Variants in URAD observed in about 807,000 individuals in gnomAD.
URAD encodes putative 2-oxo-4-hydroxy-4-carboxy-5-ureidoimidazoline decarboxylase.
In URAD, 4 loss-of-function variants were observed where a neutral mutation model predicts 4.6. The ratio of observed to expected loss-of-function variants is 0.87; its 90% CI spans 0.43 to 1.98. The LOEUF is 1.98. URAD is among the 30% of genes most tolerant of loss of function. URAD has a pLI of 0.03. For synonymous variants in URAD, 144 were observed against 118.2 expected (o/e 1.22, Z -1.41); for missense variants, 300 against 255.3 (o/e 1.18, Z -1.19).
In URAD at chr13:27,978,354, C is replaced by T; in HGVS notation, c.274G>A (p.Gly92Ser). The change falls in exon 2 of 2, where the codon GGC becomes AGC. Residue 92 changes from glycine to serine, a missense_variant. Transcript: ENST00000332715. ...TCGTCCGCGCCCAGGCTCCTCAGGC[C>T]TGCGCCGCTCTGTTCCCGCTGCGAC... Reference protein sequence around the residue: ...AESQREQSGAGLRSLGADERL... With the variant: ...AESQREQSGASLRSLGADERL... 1 of 1,403,434 alleles carries T rather than the reference C, an allele frequency of 7.1e-7. No homozygotes were observed. Among genetic ancestry groups the T allele is most frequent in the South Asian group, 1.6e-5 (1 of 64,284 alleles). The allele number at this position is 1,403,434 out of a possible 1,614,324, so 86.9% of individuals were successfully genotyped here. A position where few individuals can be genotyped will look rare whatever the true frequency, so the allele number is the denominator to read the frequency against.
At chr13:27,984,749 T>C (rs571365436) in intron 1 of URAD, among the ~76,000 whole-genome samples, 16 of 152,118 alleles carry the variant, frequency 1.1e-4, no homozygotes, top group Admixed American at 2.0e-4. Context: ...GAGGCCGAGG[T>C]GGGCGGATCA....
chr13:27,982,287 G>A (rs1231506118), intron 1 of URAD, among the ~76,000 whole-genome samples: 2 of 152,092 alleles, frequency 1.3e-5, no homozygotes, highest in East Asian at 3.9e-4. Flanking sequence ...AAATTAGCTG[G>A]GCATAGTGGC....
At position 27,977,896 on chromosome 13, in the gene URAD, A is replaced by C; in HGVS notation, c.*210T>G. 1 of 501,602 alleles carries C rather than the reference A, an allele frequency of 2.0e-6. No individual in the cohort carries two copies. The highest frequency in any genetic ancestry group is 3.5e-6 in the Non-Finnish European group (1 of 289,042). The allele number at this position is 501,602 out of a possible 1,614,324, so 31.1% of individuals were successfully genotyped here. A position where few individuals can be genotyped will look rare whatever the true frequency, so the allele number is the denominator to read the frequency against. ...ATAAATCCGGGGCAAAGCACTAAAC[A>C]ATATGGATATTTTGGCAACGCGTGC... On this transcript the variant is annotated 3_prime_UTR_variant, in exon 2 of 2. Coordinates refer to ENST00000332715, the MANE Select transcript of URAD (RefSeq NM_001105577.2).
At chr13:27,984,064 T>A (rs77978799) in intron 1 of URAD, among the ~76,000 whole-genome samples, 1 of 152,176 alleles carries the variant, frequency 6.6e-6, no homozygotes, top group East Asian at 1.9e-4. Flanking sequence ...TTGTTTTTTT[T>A]GTGACAGGGT....
At chr13:27,982,548 C>G (rs1461716036) in intron 1 of URAD, among the ~76,000 whole-genome samples, 3 of 152,174 alleles carry the variant, frequency 2.0e-5, no homozygotes, top group Non-Finnish European at 4.4e-5. Context: ...GTTGTTTACA[C>G]CAATGTACTT....
At chr13:27,978,574 A>G in intron 1 of URAD, 122 bp from the exon 2 acceptor site, 1 of 744,472 alleles carries the variant, frequency 1.3e-6, no homozygotes. Context: ...CCCGGCCCCA[A>G]AGAAGGCTGC....
chr13:27,981,021 TCTCTCTCC>T lies in URAD; in HGVS notation c.176-2577_176-2570del, dbSNP rs1566042000. On this transcript the variant is annotated intron_variant, in intron 1 of 1. Transcript: ENST00000332715. ...TGTTTCAGTCGCTTCTCTCTCTCTC[TCTCTCTCC>T]TCTCTCTCTCTCTCTCTCTCTCTGT... Among the ~76,000 whole-genome samples the T allele has an allele frequency of 3.5e-4, 28 of 79,426 alleles. No individual in the cohort carries two copies. The Admixed American group carries it at 4.8e-3, about 14-fold the overall frequency. The allele number at this position is 79,426 out of a possible 152,430, so 52.1% of individuals were successfully genotyped here.
At position 27,978,244 on chromosome 13, in the gene URAD, C is replaced by T. The variant is rs577676244; in HGVS notation, c.384G>A (p.Arg128=). The T allele has an allele frequency of 3.4e-4, 491 of 1,456,138 alleles. 2 individuals are homozygous for T. In the African/African-American group the frequency reaches 6.5e-3, roughly 19 times the overall value. 90.2% of individuals were successfully genotyped at this position (1,456,138 alleles called of 1,614,324 possible). The change falls in exon 2 of 2, where the codon CGG becomes CGA. Residue 128 remains arginine (R), a synonymous_variant. Coordinates refer to ENST00000332715, the MANE Select transcript of URAD (RefSeq NM_001105577.2). ...GCGCCAGCTCGCGCGGCACCGCCGT[C>T]CGGTCGCTGAAGCGCGCGGCGAGCA... ...PFVLAARFSD[R]TAVPRELARR...
chr13:27,979,323 G>A (rs939297148), intron 1 of URAD, among the ~76,000 whole-genome samples: 1 of 152,160 alleles, frequency 6.6e-6, no homozygotes, highest in Non-Finnish European at 1.5e-5. Flanking sequence ...ACTCTGGCGA[G>A]TTACCTGTGA....
chr13:27,987,323 C>T (rs188158212), intron 1 of URAD, among the ~76,000 whole-genome samples: 109 of 152,210 alleles, frequency 7.2e-4, no homozygotes, highest in African/African-American at 2.5e-3. Flanking sequence ...GTGTGTCATT[C>T]GGAGTCACCC....
intron 1 of URAD, among the ~76,000 whole-genome samples, chr13:27,981,197 G>A (rs1869867910): frequency 6.6e-6 from 1 of 152,112 alleles, no homozygotes; most frequent in South Asian, 2.1e-4. Flanking sequence ...AGTACATCGG[G>A]AATGGTGTCT....
intron 1 of URAD, among the ~76,000 whole-genome samples, chr13:27,984,004 A>C (rs1171220148): frequency 6.6e-6 from 1 of 152,214 alleles, no homozygotes; most frequent in Non-Finnish European, 1.5e-5. Flanking sequence ...GTAAGCATAA[A>C]GTAATAAATT....
intron 1 of URAD, among the ~76,000 whole-genome samples, chr13:27,986,648 A>C (rs1279712810): frequency 6.6e-6 from 1 of 152,182 alleles, no homozygotes; most frequent in Admixed American, 6.5e-5. Context: ...CTCTCTCAAC[A>C]CGCTCCCTCC....
intron 1 of URAD, among the ~76,000 whole-genome samples, chr13:27,984,785 T>C (rs1448270645): frequency 6.6e-6 from 1 of 151,214 alleles, no homozygotes; most frequent in Non-Finnish European, 1.5e-5. Flanking sequence ...GAGACCATCC[T>C]GGCTAACACG....
intron 1 of URAD, among the ~76,000 whole-genome samples, chr13:27,982,627 T>G (rs1869909532): frequency 6.6e-6 from 1 of 152,164 alleles, no homozygotes; most frequent in African/African-American, 2.4e-5. Flanking sequence ...AAGATATACT[T>G]TAGCCCTCAG....
At chr13:27,979,055 A>G (rs1404653738) in intron 1 of URAD, among the ~76,000 whole-genome samples, 1 of 152,142 alleles carries the variant, frequency 6.6e-6, no homozygotes, top group Non-Finnish European at 1.5e-5. Flanking sequence ...TGTGACCCTA[A>G]GTGTGAGTTC....
At chr13:27,987,522 G>C (rs4769587) in intron 1 of URAD, among the ~76,000 whole-genome samples, 143,442 of 152,220 alleles carry the variant, frequency 0.94, 68,159 homozygotes, top group East Asian at 1. Context: ...CTGGCCCTTT[G>C]TGGTACAAAA....
intron 1 of URAD, among the ~76,000 whole-genome samples, chr13:27,985,378 A>G (rs1370108569): frequency 6.6e-6 from 1 of 152,146 alleles, no homozygotes; most frequent in Non-Finnish European, 1.5e-5. Flanking sequence ...GAATCGCTTG[A>G]ACCCGGGAGG....
chr13:27,986,163 G>A (rs1566043297), intron 1 of URAD, among the ~76,000 whole-genome samples: 1 of 152,112 alleles, frequency 6.6e-6, no homozygotes, highest in Admixed American at 6.5e-5. Flanking sequence ...CAGCCATTTT[G>A]TCCACTGACC....
Sources: gnomAD v4.1 joint callset for allele counts (sites outside exome capture counted in the v4.1 genomes callset) on GRCh38, gnomAD v4.1.1 for gene constraint, MANE v1.5 for transcripts, NCBI Gene and HGNC (gene_info 2026-07-23, HGNC 2026-07-21) for gene names.